The following CPNE4 variants were observed in gnomAD, a reference collection of about 807,000 sequenced individuals.
CPNE4 encodes copine-4.
CPNE4 carries 25 observed loss-of-function variants against 67.9 expected under a neutral mutation model. That is an observed-to-expected ratio of 0.37 (90% CI 0.27 to 0.51). CPNE4 has a LOEUF of 0.51. Among genes scored for constraint, CPNE4 ranks in the 20% least tolerant of loss-of-function variants. The pLI is 0.93. For missense variants in CPNE4, 464 were observed against 690.8 expected, an observed-to-expected ratio of 0.67 and a Z score of 3.68; for synonymous variants, 242 against 244.9, an observed-to-expected ratio of 0.99 and a Z score of 0.11.
At chr3:131,656,104 A>G (rs1174975136) in intron 7 of CPNE4, among the ~76,000 whole-genome samples, 1 of 139,104 alleles carries the variant, frequency 7.2e-6, no homozygotes, top group Non-Finnish European at 1.5e-5. Context: ...TTCCTGAAGG[A>G]GTGCTTTTCT....
chr3:131,691,281 T>C (rs1308510074), intron 5 of CPNE4, among the ~76,000 whole-genome samples: 5 of 152,152 alleles, frequency 3.3e-5, no homozygotes, highest in East Asian at 1.9e-4. Flanking sequence ...GTATTCACAA[T>C]AGCAAGGGCA....
At chr3:131,760,842 TC>T (rs2082868532) in intron 2 of CPNE4, among the ~76,000 whole-genome samples, 3 of 152,254 alleles carry the variant, frequency 2.0e-5, no homozygotes, top group Non-Finnish European at 4.4e-5. Context: ...ACCAGTTCTA[TC>T]CTTTCTCATA....
At chr3:131,741,126 T>C (rs2082346992) in intron 2 of CPNE4, among the ~76,000 whole-genome samples, 1 of 152,240 alleles carries the variant, frequency 6.6e-6, no homozygotes, top group Admixed American at 6.5e-5. Context: ...TCCTTAGCAC[T>C]TATTACTGTC....
intron 9 of CPNE4, among the ~76,000 whole-genome samples, chr3:131,579,168 A>G (rs182563627): frequency 2.2e-4 from 34 of 152,310 alleles, no homozygotes; most frequent in African/African-American, 7.0e-4. Flanking sequence ...TACCATTTCA[A>G]AAATTCTAGC....
At chr3:131,714,946 G>T (rs961784791) in intron 3 of CPNE4, among the ~76,000 whole-genome samples, 1 of 152,136 alleles carries the variant, frequency 6.6e-6, no homozygotes. Flanking sequence ...GGCTTTGACA[G>T]GTGTCCTCTG....
intron 14 of CPNE4, among the ~76,000 whole-genome samples, chr3:131,549,577 C>G (rs2107641739): frequency 6.6e-6 from 1 of 152,264 alleles, no homozygotes; most frequent in Middle Eastern, 3.4e-3. Flanking sequence ...TTGCTTCCAT[C>G]TGTAGTATGG....
At chr3:131,699,830 C>G in intron 4 of CPNE4, 79 bp downstream of exon 4, 1 of 1,091,074 alleles carries the variant, frequency 9.2e-7, no homozygotes, top group East Asian at 2.5e-5. Flanking sequence ...AGTCTGCTTC[C>G]CAAGTGTCTG....
At chr3:131,627,391 T>C (rs1245270741) in intron 7 of CPNE4, among the ~76,000 whole-genome samples, 5 of 152,220 alleles carry the variant, frequency 3.3e-5, no homozygotes, top group East Asian at 1.9e-4. Flanking sequence ...TTACTGCTCA[T>C]TGAAAACACA....
At chr3:131,734,947 G>C (rs1184013607) in intron 2 of CPNE4, among the ~76,000 whole-genome samples, 1 of 152,106 alleles carries the variant, frequency 6.6e-6, no homozygotes, top group Non-Finnish European at 1.5e-5. Flanking sequence ...TCTGGCAGTT[G>C]AGGTATGAAT....
chr3:131,868,429 C>G (rs536509995), intron 2 of CPNE4, among the ~76,000 whole-genome samples: 1 of 151,980 alleles, frequency 6.6e-6, no homozygotes, highest in African/African-American at 2.4e-5. Flanking sequence ...TAGAACTGCA[C>G]GTGGAGAATG....
chr3:131,770,336 T>C (rs1416271054), intron 2 of CPNE4, among the ~76,000 whole-genome samples: 1 of 152,152 alleles, frequency 6.6e-6, no homozygotes, highest in Non-Finnish European at 1.5e-5. Flanking sequence ...CAATAAAAGC[T>C]TAAGGTTAGA....
chr3:131,927,687 T>C, intron 1 of CPNE4, among the ~76,000 whole-genome samples: 1 of 152,212 alleles, frequency 6.6e-6, no homozygotes, highest in East Asian at 1.9e-4. Flanking sequence ...GTAAAACAAT[T>C]ATCCAAATAC....
intron 2 of CPNE4, among the ~76,000 whole-genome samples, chr3:131,903,864 T>C (rs543695631): frequency 2.6e-5 from 4 of 152,246 alleles, no homozygotes; most frequent in South Asian, 2.1e-4. Context: ...GGTACCACCA[T>C]TAGTCAGAGA....
intron 1 of CPNE4, among the ~76,000 whole-genome samples, chr3:131,965,662 C>T (rs1020224349): frequency 1.3e-5 from 2 of 152,140 alleles, no homozygotes; most frequent in African/African-American, 2.4e-5. Context: ...ATCAATGCAA[C>T]AAGAAGAGCT....
intron 2 of CPNE4, among the ~76,000 whole-genome samples, chr3:131,795,652 T>A (rs919963906): frequency 2.6e-5 from 4 of 152,110 alleles, no homozygotes; most frequent in Non-Finnish European, 5.9e-5. Flanking sequence ...AGGGTGTACA[T>A]TAGGGGCTTT....
At chr3:131,654,281 G>C (rs1013618159) in intron 7 of CPNE4, among the ~76,000 whole-genome samples, 1 of 151,930 alleles carries the variant, frequency 6.6e-6, no homozygotes, top group Admixed American at 6.6e-5. Flanking sequence ...AGGTTGAGGG[G>C]TATGGGTGTG....
intron 2 of CPNE4, among the ~76,000 whole-genome samples, chr3:131,837,298 A>T (rs1355862390): frequency 1.3e-5 from 2 of 152,192 alleles, no homozygotes; most frequent in Non-Finnish European, 2.9e-5. Context: ...GAAACAGTAC[A>T]AATGTCCTGT....
At chr3:131,903,716 G>A (rs762687465) in intron 2 of CPNE4, among the ~76,000 whole-genome samples, 6 of 152,018 alleles carry the variant, frequency 3.9e-5, no homozygotes, top group Non-Finnish European at 7.4e-5. Context: ...TAGAATTTTT[G>A]AAAGAACTAA....
rs1366246304 is a variant in CPNE4, at chr3:131,708,995, T to TATATATATATATATATATAC, written c.361-9016_361-9015insGTATATATATATATATATAT. Among the ~76,000 whole-genome samples, 27 of 109,094 alleles carry TATATATATATATATATATAC rather than the reference T, an allele frequency of 2.5e-4. 1 individual carries two copies. The highest frequency in any genetic ancestry group is 3.7e-4 in the Non-Finnish European group (20 of 54,412). The allele number at this position is 109,094 out of a possible 152,430, so 71.6% of individuals were successfully genotyped here. Reference sequence around the variant, plus strand: ...ATATATATATATATATATATATATATACATACACACATAATAATATAATAC... The same window carrying TATATATATATATATATATAC: ...ATATATATATATATATATATATATATATATATATATATATATATACACATACACACATAATAATATAATAC... On this transcript the variant is annotated intron_variant, in intron 3 of 15. Transcript: ENST00000429747.
Sources: allele counts gnomAD v4.1 joint callset (sites outside exome capture counted in the v4.1 genomes callset), GRCh38; gene constraint gnomAD v4.1.1; transcripts MANE v1.5; gene names NCBI Gene and HGNC (gene_info 2026-07-23, HGNC 2026-07-21).